Variants in NUDT6 observed in about 807,000 individuals in gnomAD.
The protein encoded by NUDT6 is nudix hydrolase 6, also known as FAD diphosphatase NUDT6.
Under a neutral mutation model 36.8 loss-of-function variants are expected in NUDT6, and 24 were observed. The ratio of observed to expected loss-of-function variants is 0.65; its 90% CI spans 0.47 to 0.92. The LOEUF (loss-of-function observed/expected upper bound fraction) is 0.92, where lower values mean the gene tolerates loss of function less well. NUDT6 is among the 40% of genes least tolerant of loss of function. The probability of loss-of-function intolerance (pLI) is 0.00; values close to 1 mark genes in which losing one functional copy is unlikely to be tolerated. For synonymous variants in NUDT6, 163 were observed against 157.0 expected (o/e 1.04, Z -0.29); for missense variants, 388 against 392.8 (o/e 0.99, Z 0.10).
intron 3 of NUDT6, among the ~76,000 whole-genome samples, chr4:122,907,305 G>GT (rs1560770503): frequency 6.6e-6 from 1 of 151,108 alleles, no homozygotes; most frequent in Non-Finnish European, 1.5e-5. Flanking sequence ...TAATTTTTGT[G>GT]TTTTTTTAAA....
At chr4:122,916,114 C>CCAGCAGCAG (rs1056137983) in intron 2 of NUDT6, among the ~76,000 whole-genome samples, 1 of 152,166 alleles carries the variant, frequency 6.6e-6, no homozygotes, top group Non-Finnish European at 1.5e-5. Flanking sequence ...GAGACCACCA[C>CCAGCAGCAG]CAGCAGCAGC....
Position 122,892,838 on chromosome 4 carries a change from C to T in NUDT6, c.941G>A (p.Gly314Glu). 1 of 1,597,312 alleles carries T rather than the reference C, an allele frequency of 6.3e-7. No homozygotes were observed. Among genetic ancestry groups the T allele is most frequent in the Non-Finnish European group, 8.5e-7 (1 of 1,170,042 alleles). ...CATATAAATGTGAATTTAATCAATT[C>T]CTTTCATAGTTTTATAATTCTCTGG... Reference protein sequence around the residue: ...ELPENYKTMKGID With the variant: ...ELPENYKTMKEID Residue 314 changes from glycine to glutamate, a missense_variant, in exon 5 of 5, where the codon GGA becomes GAA. Gly to Glu is a moderately conservative substitution (Grantham distance 98). Coordinates refer to ENST00000304430, the MANE Select transcript of NUDT6 (RefSeq NM_007083.5).
Position 122,892,825 on chromosome 4 carries a change from A to G in NUDT6, c.*3T>C. On this transcript the variant is annotated 3_prime_UTR_variant, in exon 5 of 5. Coordinates refer to ENST00000304430, the MANE Select transcript of NUDT6 (RefSeq NM_007083.5). ...ACATGTTTCTAAACATATAAATGTG[A>G]ATTTAATCAATTCCTTTCATAGTTT... is the stretch of plus-strand genomic sequence containing the variant. 6.3e-7 allele frequency: 1 copy of G among 1,586,792 alleles called. No individual in the cohort carries two copies. The highest frequency in any genetic ancestry group is 8.6e-7 in the Non-Finnish European group (1 of 1,163,034).
At chr4:122,912,492 A>G in intron 3 of NUDT6, 76 bp downstream of exon 3, 1 of 1,065,044 alleles carries the variant, frequency 9.4e-7, no homozygotes, top group Non-Finnish European at 1.4e-6. Flanking sequence ...TAGGCATATT[A>G]AAATTTCTAT....
chr4:122,912,419 A>T (rs58631752), intron 3 of NUDT6, 149 bp downstream of exon 3: 9,631 of 624,734 alleles, frequency 0.015, 645 homozygotes, highest in African/African-American at 0.15. Context: ...TGGTTTAAAT[A>T]AATATCTAAG....
At chr4:122,920,960 C>T (rs562071776) in intron 1 of NUDT6, 23 of 152,250 alleles carry the variant, frequency 1.5e-4, no homozygotes, top group African/African-American at 5.5e-4. Flanking sequence ...TTTGAGTTTC[C>T]AGTGTGAGAG....
intron 3 of NUDT6, among the ~76,000 whole-genome samples, chr4:122,907,193 T>A: frequency 6.6e-6 from 1 of 152,150 alleles, no homozygotes; most frequent in East Asian, 1.9e-4. Context: ...GGCAGTGGCA[T>A]GATCTCAGGT....
At position 122,922,394 on chromosome 4, in the gene NUDT6, A is replaced by G. The variant is rs765511759; in HGVS notation, c.179T>C (p.Leu60Pro). 1.2e-6 allele frequency: 2 copies of G among 1,609,162 alleles called. No individual in the cohort carries two copies. The highest frequency in any genetic ancestry group is 1.1e-5 in the South Asian group (1 of 90,952). ...GCGGTCCAGCGCATCGAGCCGCGCC[A>G]GGCGCACCGAGATGCCCCCGAATCT... The part of the protein sequence containing the change: ...LDRFGGISVR[L>P]ARLDALDRLD... The change falls in exon 1 of 5, where the codon CTG becomes CCG. Residue 60 changes from leucine (L) to proline (P), a missense_variant. By Grantham distance (98) the Leu-to-Pro change is moderately conservative. Coordinates refer to ENST00000304430, the MANE Select transcript of NUDT6 (RefSeq NM_007083.5).
chr4:122,899,263 C>A (rs1312603294), intron 3 of NUDT6, among the ~76,000 whole-genome samples: 1 of 151,716 alleles, frequency 6.6e-6, no homozygotes, highest in Non-Finnish European at 1.5e-5. Context: ...CTTTAAAAAT[C>A]TTTGACCATA....
chr4:122,917,342 G>T (rs191091644), intron 2 of NUDT6, among the ~76,000 whole-genome samples, 159 bp downstream of exon 2: 1 of 152,160 alleles, frequency 6.6e-6, no homozygotes, highest in African/African-American at 2.4e-5. Flanking sequence ...CCCACTGGGG[G>T]TCTTGGAACA....
At chr4:122,922,923 C>A, upstream of NUDT6, 1 of 602,200 alleles carries the variant, frequency 1.7e-6, no homozygotes, top group East Asian at 2.8e-5. Context: ...GTTCCTGGAA[C>A]CTATCTTCTT....
chr4:122,922,757 G>T (rs1039884353), upstream of NUDT6: 10 of 597,560 alleles, frequency 1.7e-5, no homozygotes, highest in African/African-American at 1.5e-4. Context: ...AATTTGCCCC[G>T]CTCCAGTTAA....
chr4:122,897,615 GAT>G lies in NUDT6; in HGVS notation c.553+7_553+8del. ...TTTTAAGCCAATTAAAAATATAAAA[GAT>G]ACACACCAATATCTTCTTCAGGCTC... On this transcript the variant is annotated splice_region_variant and intron_variant, in intron 4 of 4. Transcript: ENST00000304430. 1 of 1,582,866 alleles carries G rather than the reference GAT, an allele frequency of 6.3e-7. No individual in the cohort carries two copies. Among genetic ancestry groups the G allele is most frequent in the Non-Finnish European group, 8.7e-7 (1 of 1,151,924 alleles).
Position 122,917,616 on chromosome 4 carries a change from A to C in NUDT6, c.327T>G (p.Ala109=), listed in dbSNP as rs1356587801. The change falls in exon 2 of 5, where the codon GCT becomes GCG. Residue 109 remains alanine, a synonymous_variant. Coordinates refer to ENST00000304430, the MANE Select transcript of NUDT6 (RefSeq NM_007083.5). The stretch of plus-strand genomic sequence containing the variant: ...CGTGGTGAAAGCAGAAGCCCAGGGA[A>C]GCAGCAGGGGCAATAAATCGGCTTT... The part of the protein sequence containing the change: ...ILQSRFIAPA[A]SLGFCFHHAE... 1 of 1,614,212 alleles carries C rather than the reference A, an allele frequency of 6.2e-7. No individual in the cohort carries two copies. The highest frequency in any genetic ancestry group is 1.7e-5 in the Admixed American group (1 of 60,032).
intron 1 of NUDT6, chr4:122,919,722 C>T (rs1259800975): frequency 6.6e-6 from 1 of 152,182 alleles, no homozygotes; most frequent in Non-Finnish European, 1.5e-5. Flanking sequence ...ACCAGTCTTT[C>T]CTAACCACTG....
rs1219133654 is a variant in NUDT6, at chr4:122,917,506, A to G, written c.437T>C (p.Val146Ala). 1.9e-6 allele frequency: 3 copies of G among 1,613,776 alleles called. No individual in the cohort carries two copies. The highest frequency in any genetic ancestry group is 2.5e-6 in the Non-Finnish European group (3 of 1,179,834). Reference sequence around the variant, plus strand: ...ATCATGAGTTTGAAACTGACCTGCAACTCCTACTTGATGTGAAGCATATCC... The same window carrying G: ...ATCATGAGTTTGAAACTGACCTGCAGCTCCTACTTGATGTGAAGCATATCC... ...LPGYASHQVGVAGAVFDESTR... is the reference protein window; with the variant it reads ...LPGYASHQVGAAGAVFDESTR... The change falls in exon 2 of 5, where the codon GTT becomes GCT. Residue 146 changes from valine to alanine, a missense_variant. Transcript: ENST00000304430.
intron 1 of NUDT6, 83 bp from the exon 2 acceptor site, chr4:122,917,787 T>A: frequency 1.6e-6 from 2 of 1,273,498 alleles, no homozygotes; most frequent in Non-Finnish European, 2.2e-6. Context: ...TTTCGCCTCC[T>A]CCAGGAAACC....
chr4:122,892,642 G>C lies in NUDT6; in HGVS notation c.*186C>G. 3 of 1,415,826 alleles carry C rather than the reference G, an allele frequency of 2.1e-6. No individual in the cohort carries two copies. Among genetic ancestry groups the C allele is most frequent in the Non-Finnish European group, 2.8e-6 (3 of 1,083,444 alleles). The allele number at this position is 1,415,826 out of a possible 1,614,324, so 87.7% of individuals were successfully genotyped here. A position where few individuals can be genotyped will look rare whatever the true frequency, so the allele number is the denominator to read the frequency against. On this transcript the variant is annotated 3_prime_UTR_variant, in exon 5 of 5. Transcript: ENST00000304430. ...CCCAGTGAAGCTTACCTAGAGCAAT[G>C]ATCTTTTTCACGCATTTGCTTTATT...
intron 3 of NUDT6, among the ~76,000 whole-genome samples, chr4:122,910,814 T>C (rs900632204): frequency 7.2e-5 from 11 of 152,194 alleles, no homozygotes; most frequent in African/African-American, 2.7e-4. Flanking sequence ...AGACAGTTAA[T>C]GGCATGGCCA....
Sources: allele counts gnomAD v4.1 joint callset (sites outside exome capture counted in the v4.1 genomes callset), GRCh38; gene constraint gnomAD v4.1.1; transcripts MANE v1.5; gene names NCBI Gene and HGNC (gene_info 2026-07-23, HGNC 2026-07-21).